The following HPSE2 variants were observed in gnomAD, a reference collection of about 807,000 sequenced individuals.
The protein encoded by HPSE2 is heparanase 2 (inactive), also known as inactive heparanase-2.
HPSE2 carries 38 observed loss-of-function variants against 60.5 expected under a neutral mutation model. The ratio of observed to expected loss-of-function variants is 0.63; its 90% confidence interval spans 0.48 to 0.82. The LOEUF (loss-of-function observed/expected upper bound fraction) is 0.82, where lower values mean the gene tolerates loss of function less well. HPSE2 is among the 40% of genes least tolerant of loss of function. HPSE2 has a pLI of 0.00. For missense variants in HPSE2, 713 were observed against 740.4 expected, an observed-to-expected ratio of 0.96 and a Z score of 0.43; for synonymous variants, 295 against 293.2, an observed-to-expected ratio of 1.01 and a Z score of -0.06.
chr10:98,768,239 T>G (rs2134410599), intron 3 of HPSE2, among the ~76,000 whole-genome samples: 1 of 152,270 alleles, frequency 6.6e-6, no homozygotes, highest in East Asian at 1.9e-4. Context: ...TTCCCTACAC[T>G]TTTTTGTATA....
At chr10:98,557,069 C>T (rs189902837) in intron 9 of HPSE2, among the ~76,000 whole-genome samples, 110 of 151,878 alleles carry the variant, frequency 7.2e-4, no homozygotes, top group African/African-American at 2.3e-3. Flanking sequence ...AAAAATTAGC[C>T]GGGCATGGTG....
At chr10:99,156,703 C>A (rs1382895829) in intron 2 of HPSE2, among the ~76,000 whole-genome samples, 1 of 128,136 alleles carries the variant, frequency 7.8e-6, no homozygotes, top group African/African-American at 2.5e-5. Flanking sequence ...GACAGGGATG[C>A]CCTCTCTCAC....
chr10:99,080,587 T>TGCCAAGTC (rs1315254638), intron 3 of HPSE2, among the ~76,000 whole-genome samples: 1 of 152,228 alleles, frequency 6.6e-6, no homozygotes, highest in East Asian at 1.9e-4. Flanking sequence ...ATCTTAGGGA[T>TGCCAAGTC]GCCAAGTCTA....
rs11352482 is a variant in HPSE2 at position 98,721,926 on chromosome 10, GA to G, written c.785-99del. On this transcript the variant is annotated intron_variant, in intron 4 of 11. Coordinates refer to ENST00000370552, the MANE Select transcript of HPSE2 (RefSeq NM_021828.5). ...CTCTCTGCCTTTTTCTTAATAATAT[GA>G]AAAAAAAAAACAATAAAAAAGTGGG... 0.19 allele frequency: 145,509 copies of G among 769,108 alleles called. 8,008 individuals carry two copies. The highest frequency in any genetic ancestry group is 0.28 in the Admixed American group (11,161 of 40,390). 47.6% of individuals were successfully genotyped at this position (769,108 alleles called of 1,614,324 possible).
chr10:99,138,549 T>C (rs945348021), intron 3 of HPSE2, among the ~76,000 whole-genome samples: 1 of 152,198 alleles, frequency 6.6e-6, no homozygotes, highest in African/African-American at 2.4e-5. Context: ...CACCATGGAA[T>C]ACTATGCAGC....
At chr10:98,551,716 G>A (rs1479389176) in intron 9 of HPSE2, among the ~76,000 whole-genome samples, 3 of 152,102 alleles carry the variant, frequency 2.0e-5, no homozygotes, top group Non-Finnish European at 4.4e-5. Flanking sequence ...TAGTCTGTGT[G>A]CTATCCATAT....
chr10:98,570,586 C>T (rs1944467942), intron 9 of HPSE2, among the ~76,000 whole-genome samples: 1 of 151,788 alleles, frequency 6.6e-6, no homozygotes, highest in African/African-American at 2.4e-5. Flanking sequence ...AAAAAAACAG[C>T]AGTTAGTAAT....
At chr10:99,237,330 T>A (rs1427391750), upstream of HPSE2, among the ~76,000 whole-genome samples, 1 of 151,566 alleles carries the variant, frequency 6.6e-6, no homozygotes, top group African/African-American at 2.4e-5. Flanking sequence ...AGAGCAAGGG[T>A]TTTCCCCAGA....
At chr10:99,130,670 TA>T in intron 3 of HPSE2, among the ~76,000 whole-genome samples, 1 of 152,150 alleles carries the variant, frequency 6.6e-6, no homozygotes, top group African/African-American at 2.4e-5. Context: ...TTTACAGAAG[TA>T]AAGTAGTCAA....
Position 98,849,955 on chromosome 10 carries a change from G to A in HPSE2, c.611-105899C>T, listed in dbSNP as rs1952129681. Reference sequence around the variant, plus strand: ...GACGGGGTTTCTCCACGTTTGTCAGGCTGGCCTTGAACTCCTGACCTCAGG... The same window carrying A: ...GACGGGGTTTCTCCACGTTTGTCAGACTGGCCTTGAACTCCTGACCTCAGG... On this transcript the variant is annotated intron_variant, in intron 3 of 11. Coordinates refer to ENST00000370552, the MANE Select transcript of HPSE2 (RefSeq NM_021828.5). Among the ~76,000 whole-genome samples the A allele has an allele frequency of 2.0e-5, 3 of 152,112 alleles. 1 individual carries two copies. The South Asian group carries it at 6.2e-4, about 32-fold the overall frequency.
chr10:98,943,129 C>T (rs1167234097), intron 3 of HPSE2, among the ~76,000 whole-genome samples: 1 of 150,122 alleles, frequency 6.7e-6, no homozygotes. Flanking sequence ...ATACCTAATG[C>T]TAAATGACGA....
At position 98,459,080 on chromosome 10, in the gene HPSE2, C is replaced by A; in HGVS notation, c.*494G>T. On this transcript the variant is annotated 3_prime_UTR_variant, in exon 12 of 12. Transcript: ENST00000370552. Reference sequence around the variant, plus strand: ...CTATGGAAAGAGATGTGTCAAAAAACTCAGGGCAGCAGCAAGAAAGAGGCA... The same window carrying A: ...CTATGGAAAGAGATGTGTCAAAAAAATCAGGGCAGCAGCAAGAAAGAGGCA... 4.7e-6 allele frequency: 1 copy of A among 214,690 alleles called. No individual in the cohort carries two copies. Among genetic ancestry groups the A allele is most frequent in the Non-Finnish European group, 9.4e-6 (1 of 106,318 alleles). 13.3% of individuals were successfully genotyped at this position (214,690 alleles called of 1,614,324 possible).
chr10:99,146,725 GTGGCACACGCCTGTAGT>G (rs1846069417), intron 2 of HPSE2, among the ~76,000 whole-genome samples: 1 of 152,304 alleles, frequency 6.6e-6, no homozygotes, highest in East Asian at 1.9e-4. Flanking sequence ...GCTGGGCGTG[GTGGCACACGCCTGTAGT>G]TCCAGCTACT....
intron 3 of HPSE2, among the ~76,000 whole-genome samples, chr10:99,077,592 GTA>G (rs1564788540): frequency 1.3e-5 from 2 of 151,486 alleles, no homozygotes; most frequent in Non-Finnish European, 2.9e-5. Context: ...GTGTGTATGT[GTA>G]TATGTGTGTG....
chr10:98,930,928 C>A (rs1590101456), intron 3 of HPSE2, among the ~76,000 whole-genome samples: 1 of 144,236 alleles, frequency 6.9e-6, no homozygotes, highest in South Asian at 2.1e-4. Context: ...TATCTGTTCA[C>A]TCTGATGATA....
intron 3 of HPSE2, among the ~76,000 whole-genome samples, chr10:98,891,861 C>T (rs1260107828): frequency 6.6e-6 from 1 of 152,102 alleles, no homozygotes; most frequent in Non-Finnish European, 1.5e-5. Context: ...CCTCCACCTC[C>T]CTGGCTCAGG....
At chr10:99,136,720 G>T (rs1326651964) in intron 3 of HPSE2, among the ~76,000 whole-genome samples, 1 of 151,942 alleles carries the variant, frequency 6.6e-6, no homozygotes, top group Non-Finnish European at 1.5e-5. Flanking sequence ...TCAATAAACT[G>T]GGTATTGATG....
At chr10:99,221,666 T>C (rs1310506573) in intron 2 of HPSE2, among the ~76,000 whole-genome samples, 1 of 152,068 alleles carries the variant, frequency 6.6e-6, no homozygotes, top group East Asian at 1.9e-4. Flanking sequence ...CAGAAATGGG[T>C]AGAATGTGGC....
chr10:98,723,288 C>G (rs1948977274), intron 4 of HPSE2, among the ~76,000 whole-genome samples: 1 of 152,138 alleles, frequency 6.6e-6, no homozygotes, highest in East Asian at 1.9e-4. Flanking sequence ...GTATGTTGAA[C>G]CAGCGTTGCA....
Sources: gnomAD v4.1 joint callset for allele counts (sites outside exome capture counted in the v4.1 genomes callset) on GRCh38, gnomAD v4.1.1 for gene constraint, MANE v1.5 for transcripts, NCBI Gene and HGNC (gene_info 2026-07-23, HGNC 2026-07-21) for gene names.